The following NOMO3 variants were observed in gnomAD, a reference collection of about 807,000 sequenced individuals.
The protein encoded by NOMO3 is NODAL modulator 3.
Under a neutral mutation model 69.9 loss-of-function variants are expected in NOMO3, and 15 were observed. That is an observed-to-expected ratio of 0.21 (90% CI 0.14 to 0.33). The LOEUF is 0.33. Ranked by LOEUF, NOMO3 falls within the 10% of genes least tolerant of loss-of-function variation. NOMO3 has a pLI of 1.00. For missense variants in NOMO3, 218 were observed against 761.0 expected (o/e 0.29, Z 8.39); for synonymous variants, 89 against 301.9 (o/e 0.29, Z 7.31).
rs1365589325 is a variant in NOMO3, at chr16:16,269,002, C to T, written c.1895-1119C>T. On this transcript the variant is annotated intron_variant, in intron 16 of 30. Coordinates refer to ENST00000399336, the MANE Select transcript of NOMO3 (RefSeq NM_001004067.4). ...ACCCGAGGCTGAGCACGTTGCCACCCTCAACATAACCAGGGTTTGTTCTCA... is the reference window on the plus strand; with the variant it reads ...ACCCGAGGCTGAGCACGTTGCCACCTTCAACATAACCAGGGTTTGTTCTCA... 1.4e-5 allele frequency among the ~76,000 whole-genome samples: 2 copies of T among 138,764 alleles called. 1 individual carries two copies. Among genetic ancestry groups the T allele is most frequent in the African/African-American group, 6.2e-5 (2 of 32,152 alleles). 91.0% of individuals were successfully genotyped at this position (138,764 alleles called of 152,430 possible).
At chr16:16,234,800 C>G (rs1343933375) in intron 1 of NOMO3, among the ~76,000 whole-genome samples, 1 of 150,618 alleles carries the variant, frequency 6.6e-6, no homozygotes, top group Non-Finnish European at 1.5e-5. Context: ...ATTTTGTTCT[C>G]TAACAGGGAC....
intron 2 of NOMO3, among the ~76,000 whole-genome samples, chr16:16,239,120 A>G (rs1412798709): frequency 1.4e-5 from 2 of 143,176 alleles, no homozygotes; most frequent in Non-Finnish European, 3.0e-5. Context: ...AGGGTTGATA[A>G]GTAAAATCTA....
At chr16:16,245,411 A>G (rs1219610808) in intron 5 of NOMO3, among the ~76,000 whole-genome samples, 2 of 144,436 alleles carry the variant, frequency 1.4e-5, no homozygotes, top group African/African-American at 5.6e-5. Flanking sequence ...CATACTGGCC[A>G]GGCATGTTGG....
In NOMO3 at chr16:16,236,594, A is replaced by C. The variant is rs1453092660; in HGVS notation, c.166-307A>C. On this transcript the variant is annotated intron_variant, in intron 1 of 30. Coordinates refer to ENST00000399336, the MANE Select transcript of NOMO3 (RefSeq NM_001004067.4). Reference sequence around the variant, plus strand: ...CACCTTACTAATGGCAAAGTTTGCAAATTTGTTTTAGACCCGGAAACTTAC... The same window carrying C: ...CACCTTACTAATGGCAAAGTTTGCACATTTGTTTTAGACCCGGAAACTTAC... 2.1e-5 allele frequency among the ~76,000 whole-genome samples: 3 copies of C among 144,636 alleles called. No homozygotes were observed. In the East Asian group the frequency reaches 6.6e-4, roughly 32 times the overall value. The allele number at this position is 144,636 out of a possible 152,430, so 94.9% of individuals were successfully genotyped here. A position where few individuals can be genotyped will look rare whatever the true frequency, so the allele number is the denominator to read the frequency against.
intron 3 of NOMO3, among the ~76,000 whole-genome samples, chr16:16,241,036 T>G (rs1283931150): frequency 1.4e-5 from 2 of 143,496 alleles, no homozygotes; most frequent in Non-Finnish European, 3.0e-5. Flanking sequence ...GATAAGCTTT[T>G]TAATTGAATT....
chr16:16,244,200 G>C (rs2049397890), intron 4 of NOMO3, among the ~76,000 whole-genome samples: 1 of 142,268 alleles, frequency 7.0e-6, no homozygotes, highest in Non-Finnish European at 1.5e-5. Flanking sequence ...GTGACGGGGA[G>C]GCCCTTCCAT....
At chr16:16,263,379 C>A in intron 13 of NOMO3, 134 bp from the exon 14 acceptor site, 3 of 1,565,350 alleles carry the variant, frequency 1.9e-6, no homozygotes, top group Non-Finnish European at 2.6e-6. Flanking sequence ...TTGAAAGAAG[C>A]GCTCCGTCTG....
At chr16:16,273,930 C>G in intron 19 of NOMO3, 23 bp downstream of exon 19, 1 of 1,445,086 alleles carries the variant, frequency 6.9e-7, no homozygotes, top group South Asian at 1.2e-5. Context: ...GTGCGTTTCC[C>G]TACAGTGTCC....
rs1265204456 is a variant in NOMO3 at position 16,266,567 on chromosome 16, A to G, written c.1807-477A>G. ...GGAGTGCTGTGACTTCTCCAGAAACACGTGTTGTTGGTTTTTCCTCCTCAT... is the reference window on the plus strand; with the variant it reads ...GGAGTGCTGTGACTTCTCCAGAAACGCGTGTTGTTGGTTTTTCCTCCTCAT... On this transcript the variant is annotated intron_variant, in intron 15 of 30. Coordinates refer to ENST00000399336, the MANE Select transcript of NOMO3 (RefSeq NM_001004067.4). 1.8e-4 allele frequency: 62 copies of G among 343,532 alleles called. 15 individuals carry two copies. The highest frequency in any genetic ancestry group is 3.1e-4 in the Non-Finnish European group (60 of 190,520). 21.3% of individuals were successfully genotyped at this position (343,532 alleles called of 1,614,324 possible). A position where few individuals can be genotyped will look rare whatever the true frequency, so the allele number is the denominator to read the frequency against.
intron 3 of NOMO3, among the ~76,000 whole-genome samples, chr16:16,241,199 C>T (rs962352448): frequency 2.1e-5 from 3 of 144,804 alleles, no homozygotes; most frequent in Non-Finnish European, 4.4e-5. Context: ...CAGGTGACCA[C>T]CACCCTGACC....
intron 11 of NOMO3, among the ~76,000 whole-genome samples, chr16:16,257,913 A>G (rs2049525159): frequency 7.1e-6 from 1 of 141,272 alleles, no homozygotes; most frequent in South Asian, 2.2e-4. Context: ...CACTTTGTGC[A>G]ATTACTCTAG....
At position 16,256,247 on chromosome 16, in the gene NOMO3, C is replaced by T. The variant is rs1353965697; in HGVS notation, c.1220+89C>T. On this transcript the variant is annotated intron_variant, in intron 11 of 30. Transcript: ENST00000399336. ...TGACCTGTGATCTGTGTGTCTTTGCCGAGCTTAAGAACTTAAGAAAGATTA... is the reference window on the plus strand; with the variant it reads ...TGACCTGTGATCTGTGTGTCTTTGCTGAGCTTAAGAACTTAAGAAAGATTA... The T allele has an allele frequency of 1.6e-5, 24 of 1,508,284 alleles. 2 individuals are homozygous for T. The African/African-American group carries it at 1.8e-4, about 11-fold the overall frequency. 93.4% of individuals were successfully genotyped at this position (1,508,284 alleles called of 1,614,324 possible).
intron 11 of NOMO3, among the ~76,000 whole-genome samples, chr16:16,257,645 G>T (rs1187314784): frequency 2.8e-5 from 4 of 142,484 alleles, no homozygotes; most frequent in Non-Finnish European, 5.9e-5. Context: ...TGGCCCAGGG[G>T]GGGACCTAGG....
chr16:16,257,945 C>T (rs1162724443), intron 11 of NOMO3, among the ~76,000 whole-genome samples: 3 of 139,840 alleles, frequency 2.1e-5, no homozygotes, highest in East Asian at 2.4e-4. Flanking sequence ...AAAAATGCTT[C>T]ATACCTAATA....
At chr16:16,260,493 T>C (rs1178153677) in intron 11 of NOMO3, among the ~76,000 whole-genome samples, 1 of 142,982 alleles carries the variant, frequency 7.0e-6, no homozygotes, top group East Asian at 2.3e-4. Context: ...AAGAAATGGC[T>C]GTGTTTTTCA....
chr16:16,252,843 T>TC (rs2049475999), intron 9 of NOMO3, among the ~76,000 whole-genome samples: 1 of 120,388 alleles, frequency 8.3e-6, no homozygotes. Context: ...TTTTTTTTTT[T>TC]TTTTTTTTAA....
At chr16:16,259,195 G>A (rs1185150054) in intron 11 of NOMO3, among the ~76,000 whole-genome samples, 3 of 143,892 alleles carry the variant, frequency 2.1e-5, no homozygotes, top group Non-Finnish European at 4.4e-5. Flanking sequence ...GGAGATGGAG[G>A]AAATATATTT....
chr16:16,236,268 G>A (rs1249203361), intron 1 of NOMO3, among the ~76,000 whole-genome samples: 6 of 144,314 alleles, frequency 4.2e-5, no homozygotes, highest in Non-Finnish European at 8.9e-5. Flanking sequence ...TTTTTGAGAC[G>A]GAGTCTTGCT....
chr16:16,260,783 C>G (rs2141257541), intron 11 of NOMO3: 1 of 142,400 alleles, frequency 7.0e-6, no homozygotes, highest in African/African-American at 2.9e-5. Context: ...GACCAGCACT[C>G]CAAGGATGAT....
Sources: allele counts gnomAD v4.1 joint callset (sites outside exome capture counted in the v4.1 genomes callset), GRCh38; gene constraint gnomAD v4.1.1; transcripts MANE v1.5; gene names NCBI Gene and HGNC (gene_info 2026-07-23, HGNC 2026-07-21).